Variants in OPHN1 observed in about 807,000 individuals in gnomAD.
OPHN1 encodes the protein oligophrenin 1.
Under a neutral mutation model 60.7 loss-of-function variants are expected in OPHN1, and 11 were observed. That is an observed-to-expected ratio of 0.18 (90% confidence interval 0.11 to 0.30). The LOEUF is 0.30. Among genes scored for constraint, OPHN1 ranks in the 10% least tolerant of loss-of-function variants. The pLI, the probability that OPHN1 is intolerant of heterozygous loss-of-function variation, is 1.00. For synonymous variants in OPHN1, 226 were observed against 222.6 expected, an observed-to-expected ratio of 1.02 and a Z score of -0.14; for missense variants, 449 against 611.0, an observed-to-expected ratio of 0.73 and a Z score of 2.80.
intron 18 of OPHN1, among the ~76,000 whole-genome samples, chrX:68,111,046 T>C (rs1471432309): frequency 8.9e-6 from 1 of 112,276 alleles, no homozygotes; most frequent in East Asian, 2.8e-4. Context: ...CATTACTGCA[T>C]CTTTTGAGTA....
At chrX:68,190,667 G>T (rs923268198) in intron 15 of OPHN1, among the ~76,000 whole-genome samples, 3 of 111,959 alleles carry the variant, frequency 2.7e-5, no homozygotes, top group Non-Finnish European at 3.8e-5. Context: ...TCAGTGGGAT[G>T]CCTGGCATGG....
chrX:68,206,958 ACT>A lies in OPHN1; in HGVS notation c.833-287_833-286del, dbSNP rs1318696370. On this transcript the variant is annotated intron_variant, in intron 9 of 24. Transcript: ENST00000355520. Reference sequence around the variant, plus strand: ...TCACCATATATCCCAGAAGCTGGAGACTATTGTCATTTACTTTGCTGTCTCTA... The same window carrying A: ...TCACCATATATCCCAGAAGCTGGAGAATTGTCATTTACTTTGCTGTCTCTA... Among the ~76,000 whole-genome samples the A allele has an allele frequency of 2.7e-5, 3 of 110,434 alleles. No homozygotes were observed. In the Admixed American group the frequency reaches 2.9e-4, roughly 11 times the overall value.
At chrX:68,205,979 A>AGTGTGTGTGTGTGT (rs1228949782) in intron 10 of OPHN1, among the ~76,000 whole-genome samples, 224 of 91,199 alleles carry the variant, frequency 2.5e-3, no homozygotes, top group Admixed American at 3.7e-3. Context: ...AGTGTGTGTG[A>AGTGTGTGTGTGTGT]GTGTGTGTGT....
chrX:68,136,045 T>C (rs1484618441), intron 15 of OPHN1, among the ~76,000 whole-genome samples: 1 of 111,408 alleles, frequency 9.0e-6, no homozygotes, highest in African/African-American at 3.3e-5. Flanking sequence ...CTTAAGCAAA[T>C]ATGTATTGAG....
chrX:68,283,601 T>G (rs2078028475), intron 3 of OPHN1, among the ~76,000 whole-genome samples: 1 of 111,819 alleles, frequency 8.9e-6, no homozygotes, highest in Non-Finnish European at 1.9e-5. Context: ...ACTCTTCTAG[T>G]GCCAATTGTG....
intron 20 of OPHN1, chrX:68,070,837 C>A: frequency 8.5e-7 from 1 of 1,172,301 alleles, no homozygotes. Context: ...ACAGTCCAAG[C>A]CCATTCAGCC....
At chrX:68,089,113 T>C (rs1394947721) in intron 19 of OPHN1, among the ~76,000 whole-genome samples, 1 of 111,510 alleles carries the variant, frequency 9.0e-6, no homozygotes, top group Non-Finnish European at 1.9e-5. Flanking sequence ...TATTGGCCTA[T>C]CACCAGACTG....
chrX:68,112,750 G>A, intron 17 of OPHN1, among the ~76,000 whole-genome samples: 1 of 111,821 alleles, frequency 8.9e-6, no homozygotes, highest in African/African-American at 3.2e-5. Flanking sequence ...ATGTGATGCT[G>A]GCACTAACAG....
intron 8 of OPHN1, among the ~76,000 whole-genome samples, chrX:68,210,788 C>A (rs948428966): frequency 8.9e-6 from 1 of 111,992 alleles, no homozygotes; most frequent in Non-Finnish European, 1.9e-5. Context: ...CTCACAAATA[C>A]CAAAACCTAA....
At chrX:68,194,164 T>C (rs2147457586) in intron 13 of OPHN1, among the ~76,000 whole-genome samples, 1 of 112,498 alleles carries the variant, frequency 8.9e-6, no homozygotes, top group African/African-American at 3.2e-5. Flanking sequence ...GCCCTTTGAA[T>C]TGTCTGCTTT....
intron 6 of OPHN1, among the ~76,000 whole-genome samples, chrX:68,214,768 G>C: frequency 9.0e-6 from 1 of 111,661 alleles, no homozygotes; most frequent in Non-Finnish European, 1.9e-5. Context: ...AGGCCGAGGT[G>C]GGTAGATCAC....
intron 2 of OPHN1, among the ~76,000 whole-genome samples, chrX:68,316,624 A>G (rs2078200573): frequency 9.0e-6 from 1 of 111,331 alleles, no homozygotes; most frequent in Non-Finnish European, 1.9e-5. Context: ...GTTCCTGACC[A>G]AAGATTTCTC....
intron 2 of OPHN1, among the ~76,000 whole-genome samples, chrX:68,375,717 AT>A (rs5902625): frequency 9.3e-6 from 1 of 107,910 alleles, no homozygotes; most frequent in Non-Finnish European, 1.9e-5. Flanking sequence ...CACCCAACTA[AT>A]TTTTTTTTAA....
intron 5 of OPHN1, among the ~76,000 whole-genome samples, chrX:68,264,310 T>C (rs773282958): frequency 1.8e-5 from 2 of 110,959 alleles, no homozygotes; most frequent in Admixed American, 9.6e-5. Flanking sequence ...ATCATCAGAG[T>C]GAACAGGCAC....
In OPHN1 at chrX:68,112,086, CACAGAG is replaced by C. The variant is rs759399592; in HGVS notation, c.1421-133_1421-128del. The C allele has an allele frequency of 2.2e-3, 803 of 368,164 alleles. 1 individual carries two copies. Among genetic ancestry groups the C allele is most frequent in the Middle Eastern group, 5.2e-3 (8 of 1,536 alleles). 30.3% of individuals were successfully genotyped at this position (368,164 alleles called of 1,213,427 possible). Reference sequence around the variant, plus strand: ...GCACACACACACACACACACACACACACAGAGAGAGATTCGGAGAAAGACACCCAGA... The same window carrying C: ...GCACACACACACACACACACACACACAGAGATTCGGAGAAAGACACCCAGA... On this transcript the variant is annotated intron_variant, in intron 17 of 24. Transcript: ENST00000355520.
intron 19 of OPHN1, among the ~76,000 whole-genome samples, chrX:68,093,934 A>G (rs2077028360): frequency 9.1e-6 from 1 of 109,329 alleles, no homozygotes; most frequent in Non-Finnish European, 1.9e-5. Context: ...CAATTTATTG[A>G]TTTTTTTTCT....
chrX:68,078,629 A>G (rs188813187), intron 19 of OPHN1, among the ~76,000 whole-genome samples: 14 of 111,143 alleles, frequency 1.3e-4, no homozygotes, highest in African/African-American at 3.9e-4. Context: ...ATACCAGACC[A>G]TAGACACCCT....
chrX:68,077,038 C>T (rs904637242), intron 19 of OPHN1, among the ~76,000 whole-genome samples: 4 of 110,954 alleles, frequency 3.6e-5, no homozygotes, highest in Non-Finnish European at 1.9e-5. Context: ...GATTTTGAAG[C>T]GACCAGCCAC....
intron 2 of OPHN1, among the ~76,000 whole-genome samples, chrX:68,400,598 T>C (rs1289040889): frequency 2.9e-5 from 3 of 103,764 alleles, no homozygotes; most frequent in Non-Finnish European, 6.0e-5. Flanking sequence ...TTTTTTTCTT[T>C]TTTCTTTTTT....
Sources: allele counts gnomAD v4.1 joint callset (sites outside exome capture counted in the v4.1 genomes callset), GRCh38; gene constraint gnomAD v4.1.1; transcripts MANE v1.5; gene names NCBI Gene and HGNC (gene_info 2026-07-23, HGNC 2026-07-21).